Variants in ERI1 observed in about 807,000 individuals in gnomAD.
ERI1 encodes the protein exoribonuclease 1.
In ERI1, 39 loss-of-function variants were observed where a neutral mutation model predicts 39.7. The ratio of observed to expected loss-of-function variants is 0.98; its 90% CI spans 0.76 to 1.28. ERI1 has a LOEUF of 1.28. Among genes scored for constraint, ERI1 ranks in the 50% most tolerant of loss-of-function variants. The pLI is 0.00. For synonymous variants in ERI1, 204 were observed against 149.6 expected, an observed-to-expected ratio of 1.36 and a Z score of -2.65; for missense variants, 581 against 416.9, an observed-to-expected ratio of 1.39 and a Z score of -3.43.
intron 4 of ERI1, among the ~76,000 whole-genome samples, chr8:9,016,683 A>G (rs927975544): frequency 2.0e-5 from 3 of 151,722 alleles, no homozygotes; most frequent in South Asian, 2.1e-4. Flanking sequence ...GAACTTGGAG[A>G]TGTTTGATTT....
rs1037061583 is a variant in ERI1, at chr8:9,032,367, G to T, written c.*2333G>T. 1 of 152,044 alleles carries T rather than the reference G, an allele frequency of 6.6e-6. No homozygotes were observed. Among genetic ancestry groups the T allele is most frequent in the Non-Finnish European group, 1.5e-5 (1 of 68,008 alleles). The allele number at this position is 152,044 out of a possible 1,614,324, so 9.4% of individuals were successfully genotyped here. A position where few individuals can be genotyped will look rare whatever the true frequency, so the allele number is the denominator to read the frequency against. ...CATATGCTCTGACATTGACATAGTG[G>T]ATTTCTGCTGATTTTTTTCAAATCC... On this transcript the variant is annotated 3_prime_UTR_variant, in exon 7 of 7. Coordinates refer to ENST00000250263, the MANE Select transcript of ERI1 (RefSeq NM_153332.4).
At chr8:9,092,844 G>C (rs1286711207) in intron 3 of ERI1, among the ~76,000 whole-genome samples, 2 of 152,218 alleles carry the variant, frequency 1.3e-5, no homozygotes, top group Non-Finnish European at 2.9e-5. Context: ...TACAGTTCTG[G>C]AGACTGGAAG....
chr8:9,066,204 G>A (rs1328138066), intron 3 of ERI1, among the ~76,000 whole-genome samples: 8 of 151,200 alleles, frequency 5.3e-5, no homozygotes, highest in Admixed American at 1.3e-4. Flanking sequence ...CCTCCTTATC[G>A]TCAGCCTCAT....
At chr8:9,098,619 G>A (rs1385639353) in intron 3 of ERI1, among the ~76,000 whole-genome samples, 1 of 152,100 alleles carries the variant, frequency 6.6e-6, no homozygotes, top group Non-Finnish European at 1.5e-5. Flanking sequence ...CTTGGGTACA[G>A]TGTACACTGC....
chr8:9,048,775 G>A (rs1408517769), intron 3 of ERI1, among the ~76,000 whole-genome samples: 1 of 152,122 alleles, frequency 6.6e-6, no homozygotes, highest in Non-Finnish European at 1.5e-5. Flanking sequence ...TTCCTGAGTA[G>A]CTGGGACCAC....
Position 9,005,286 on chromosome 8 carries a change from G to A in ERI1, c.108+2115G>A, listed in dbSNP as rs1035845590. 5.9e-5 allele frequency among the ~76,000 whole-genome samples: 9 copies of A among 152,030 alleles called. No homozygotes were observed. In the South Asian group the frequency reaches 1.9e-3, roughly 32 times the overall value. On this transcript the variant is annotated intron_variant, in intron 1 of 6. Coordinates refer to ENST00000250263, the MANE Select transcript of ERI1 (RefSeq NM_153332.4). ...CATTTCCAGAACATGTTTTCAAAAT[G>A]TTCTCTATACAGAAAAAGTTTTATT... is the stretch of plus-strand genomic sequence containing the variant.
Position 9,008,208 on chromosome 8 carries a change from G to A in ERI1, c.287+60G>A, listed in dbSNP as rs921415445. ...GTACATGCTCATTTTAGAAAATCTT[G>A]AAAACATTGAAATATTAAAAATCAT... On this transcript the variant is annotated intron_variant, in intron 2 of 6. Coordinates refer to ENST00000250263, the MANE Select transcript of ERI1 (RefSeq NM_153332.4). 6.2e-6 allele frequency: 8 copies of A among 1,299,964 alleles called. No homozygotes were observed. The Admixed American group carries it at 2.0e-4, about 33-fold the overall frequency. 80.5% of individuals were successfully genotyped at this position (1,299,964 alleles called of 1,614,324 possible). A position where few individuals can be genotyped will look rare whatever the true frequency, so the allele number is the denominator to read the frequency against.
downstream of ERI1, among the ~76,000 whole-genome samples, chr8:9,034,000 G>C (rs1267865558): frequency 6.6e-6 from 1 of 152,186 alleles, no homozygotes; most frequent in Non-Finnish European, 1.5e-5. Context: ...GGTTTTTTCG[G>C]AGATGGGGAT....
intron 3 of ERI1, among the ~76,000 whole-genome samples, chr8:9,058,440 T>G (rs573728114): frequency 2.2e-4 from 33 of 152,312 alleles, no homozygotes; most frequent in Non-Finnish European, 4.0e-4. Flanking sequence ...ATCCCTGCCG[T>G]GAGAATTCAG....
chr8:9,043,737 G>C (rs1254701330), intron 3 of ERI1, among the ~76,000 whole-genome samples: 1 of 152,072 alleles, frequency 6.6e-6, no homozygotes, highest in Non-Finnish European at 1.5e-5. Flanking sequence ...ATTTTCGTTG[G>C]AGACAGGGTC....
intron 3 of ERI1, among the ~76,000 whole-genome samples, chr8:9,038,752 A>G (rs1294771516): frequency 6.6e-6 from 1 of 152,184 alleles, no homozygotes; most frequent in Non-Finnish European, 1.5e-5. Context: ...TTTCTTCTAT[A>G]TTTACTCAGT....
At chr8:9,058,164 G>T (rs923015406) in intron 3 of ERI1, among the ~76,000 whole-genome samples, 7 of 152,202 alleles carry the variant, frequency 4.6e-5, no homozygotes, top group Non-Finnish European at 7.3e-5. Context: ...GGAGCAGACA[G>T]ACTGCTGCAA....
At chr8:9,014,751 TTA>T (rs1220107054) in intron 3 of ERI1, among the ~76,000 whole-genome samples, 1 of 152,352 alleles carries the variant, frequency 6.6e-6, no homozygotes, top group African/African-American at 2.4e-5. Context: ...TAGACTTAAT[TTA>T]TCTGTGATAT....
At chr8:9,090,155 T>C (rs111279692) in intron 3 of ERI1, among the ~76,000 whole-genome samples, 2,201 of 152,212 alleles carry the variant, frequency 0.014, 27 homozygotes, top group Middle Eastern at 0.041. Context: ...TAAGCAAACC[T>C]TATCCAAGGA....
intron 2 of ERI1, chr8:9,008,893 T>C: frequency 2.7e-6 from 1 of 373,732 alleles, no homozygotes; most frequent in Admixed American, 3.5e-5. Context: ...ATCATAATTC[T>C]CTTAATAGTA....
intron 2 of ERI1, among the ~76,000 whole-genome samples, chr8:9,009,403 G>A (rs117366272): frequency 6.6e-6 from 1 of 152,098 alleles, no homozygotes; most frequent in East Asian, 1.9e-4. Context: ...AAAGGGAGGG[G>A]GAGGGTATTT....
At chr8:9,004,824 A>G (rs1016473192) in intron 1 of ERI1, among the ~76,000 whole-genome samples, 5 of 151,222 alleles carry the variant, frequency 3.3e-5, no homozygotes, top group African/African-American at 1.2e-4. Context: ...AGTAGCTGGG[A>G]TTACAGGAAC....
At chr8:9,022,075 AG>A (rs1817967874) in intron 6 of ERI1, among the ~76,000 whole-genome samples, 1 of 152,088 alleles carries the variant, frequency 6.6e-6, no homozygotes. Context: ...ATACAAAAAT[AG>A]TTTTCCAATG....
At position 9,030,160 on chromosome 8, in the gene ERI1, TGATAGA is replaced by T. The variant is rs999199066; in HGVS notation, c.*133_*138del. 1 of 1,248,320 alleles carries T rather than the reference TGATAGA, an allele frequency of 8.0e-7. No individual in the cohort carries two copies. The highest frequency in any genetic ancestry group is 1.1e-6 in the Non-Finnish European group (1 of 909,840). The allele number at this position is 1,248,320 out of a possible 1,614,324, so 77.3% of individuals were successfully genotyped here. A position where few individuals can be genotyped will look rare whatever the true frequency, so the allele number is the denominator to read the frequency against. ...AAAACATTTAAAATCTTATTACAGG[TGATAGA>T]GATAGATACATGTATGTGAACAGAT... On this transcript the variant is annotated 3_prime_UTR_variant, in exon 7 of 7. Transcript: ENST00000250263.
Sources: allele counts gnomAD v4.1 joint callset (sites outside exome capture counted in the v4.1 genomes callset), GRCh38; gene constraint gnomAD v4.1.1; transcripts MANE v1.5; gene names NCBI Gene and HGNC (gene_info 2026-07-23, HGNC 2026-07-21).